NLRP5: variants seen among roughly 807,000 people sequenced by gnomAD.
NLRP5 encodes the protein NLR family pyrin domain containing 5, also known as NACHT, LRR and PYD domains-containing protein 5.
Under a neutral mutation model 113.1 loss-of-function variants are expected in NLRP5, and 93 were observed. The ratio of observed to expected loss-of-function variants is 0.82; its 90% confidence interval spans 0.70 to 0.98. The LOEUF is 0.98. NLRP5 is among the 50% of genes least tolerant of loss of function. The pLI is 0.00. For synonymous variants in NLRP5, 751 were observed against 600.7 expected (o/e 1.25, Z -3.66); for missense variants, 1,808 against 1,514.3 (o/e 1.19, Z -3.22).
At chr19:56,013,676 T>C (rs167385) in intron 3 of NLRP5, among the ~76,000 whole-genome samples, 80,447 of 145,164 alleles carry the variant, frequency 0.55, 22,567 homozygotes, top group South Asian at 0.61. Flanking sequence ...GATGTGTTTT[T>C]GATTCAGGGA....
intron 11 of NLRP5, among the ~76,000 whole-genome samples, chr19:56,048,978 A>T (rs28857614): frequency 0.042 from 980 of 23,532 alleles, 5 homozygotes; most frequent in African/African-American, 0.1. Flanking sequence ...TTTTTTTTTT[A>T]ATTTTTTTTT....
intron 3 of NLRP5, among the ~76,000 whole-genome samples, chr19:56,012,966 T>A (rs993512317): frequency 6.6e-6 from 1 of 152,120 alleles, no homozygotes; most frequent in Non-Finnish European, 1.5e-5. Context: ...AGTGTTTTAT[T>A]GTATTAACAA....
At chr19:56,028,573 C>T in intron 7 of NLRP5, 64 bp downstream of exon 7, 1 of 1,430,454 alleles carries the variant, frequency 7.0e-7, no homozygotes, top group Non-Finnish European at 9.5e-7. Context: ...ACTGCTGGGA[C>T]TTGACATGAC....
intron 14 of NLRP5, among the ~76,000 whole-genome samples, chr19:56,060,698 A>G (rs1984319421): frequency 6.6e-6 from 1 of 151,552 alleles, no homozygotes; most frequent in African/African-American, 2.4e-5. Context: ...AAAGCTCAGC[A>G]TAGTATCTGA....
intron 6 of NLRP5, among the ~76,000 whole-genome samples, chr19:56,022,603 A>G (rs184363392): frequency 1.6e-3 from 240 of 152,320 alleles, no homozygotes; most frequent in Non-Finnish European, 2.6e-3. Flanking sequence ...TATGTAAAAC[A>G]AGGAAAACAA....
intron 7 of NLRP5, among the ~76,000 whole-genome samples, 187 bp from the exon 8 acceptor site, chr19:56,032,423 TC>T (rs1409987258): frequency 1.3e-5 from 2 of 151,452 alleles, no homozygotes; most frequent in East Asian, 3.9e-4. Flanking sequence ...TATCGGTATA[TC>T]CGGGAGGCAG....
At chr19:56,033,855 C>A (rs780580319) in intron 9 of NLRP5, 146 bp downstream of exon 9, 2 of 685,516 alleles carry the variant, frequency 2.9e-6, no homozygotes, top group East Asian at 5.1e-5. Context: ...GAGTTGAGTG[C>A]CACTGAATTG....
At chr19:56,021,650 A>G (rs1445615829) in intron 6 of NLRP5, among the ~76,000 whole-genome samples, 1 of 152,270 alleles carries the variant, frequency 6.6e-6, no homozygotes, top group South Asian at 2.1e-4. Context: ...GTCTATCAGC[A>G]CTTCGTTTTT....
chr19:56,032,787 G>C lies in NLRP5; in HGVS notation c.2447+6G>C, dbSNP rs1276518860. 2 of 1,601,024 alleles carry C rather than the reference G, an allele frequency of 1.2e-6. No individual in the cohort carries two copies. Among genetic ancestry groups the C allele is most frequent in the East Asian group, 4.5e-5 (2 of 44,574 alleles). ...TGCAAGATACAGACCCTGATGTAAG[G>C]CTGCCCGCCCCCTACGAGAGAATCC... On this transcript the variant is annotated splice_donor_region_variant and intron_variant, in intron 8 of 14. Transcript: ENST00000390649.
At chr19:56,030,215 C>A (rs971226791) in intron 7 of NLRP5, among the ~76,000 whole-genome samples, 1 of 151,922 alleles carries the variant, frequency 6.6e-6, no homozygotes, top group Non-Finnish European at 1.5e-5. Flanking sequence ...GCTAAAAATA[C>A]AAAAATTAGT....
At chr19:56,022,791 C>T (rs1982666522) in intron 6 of NLRP5, among the ~76,000 whole-genome samples, 1 of 152,148 alleles carries the variant, frequency 6.6e-6, no homozygotes, top group Admixed American at 6.5e-5. Context: ...ATGGCGCGAT[C>T]TCAGCTCACT....
At chr19:55,989,238 C>G in the NLRP5 span, among the ~76,000 whole-genome samples, 1 of 151,910 alleles carries the variant, frequency 6.6e-6, no homozygotes, top group Non-Finnish European at 1.5e-5. Context: ...ATGGGAGGTA[C>G]TTTTTAGTAT....
chr19:56,006,744 T>A (rs935265239), intron 2 of NLRP5, among the ~76,000 whole-genome samples: 30 of 150,628 alleles, frequency 2.0e-4, no homozygotes, highest in African/African-American at 7.3e-4. Flanking sequence ...AAATAAAAAT[T>A]TTTTTTTGTT....
At chr19:55,998,666 G>GTGTGTC (rs1555762372), upstream of NLRP5, among the ~76,000 whole-genome samples, 4 of 62,778 alleles carry the variant, frequency 6.4e-5, no homozygotes, top group African/African-American at 2.0e-4. Context: ...ATATGTGTGT[G>GTGTGTC]TGTGTGTATA....
At chr19:56,043,909 CTT>C (rs1983624332) in intron 11 of NLRP5, among the ~76,000 whole-genome samples, 1 of 151,688 alleles carries the variant, frequency 6.6e-6, no homozygotes, top group Admixed American at 6.6e-5. Flanking sequence ...TGCAAAAGCT[CTT>C]TGGTTCAATT....
At chr19:56,057,983 G>A (rs1568505673) in intron 13 of NLRP5, among the ~76,000 whole-genome samples, 1 of 149,382 alleles carries the variant, frequency 6.7e-6, no homozygotes, top group Non-Finnish European at 1.5e-5. Context: ...AGCCAAGATT[G>A]TGCTACTGCA....
Position 56,040,439 on chromosome 19 carries a change from A to G in NLRP5, c.2787-483A>G, listed in dbSNP as rs138775671. On this transcript the variant is annotated intron_variant, in intron 10 of 14. Coordinates refer to ENST00000390649, the MANE Select transcript of NLRP5 (RefSeq NM_153447.4). ...AAAAATTAGTCAAACATGGTGGTGC[A>G]TGCCTATGATCCCAGCTACTCAGGA... is the stretch of plus-strand genomic sequence containing the variant. Among the ~76,000 whole-genome samples, 1,271 of 152,152 alleles carry G rather than the reference A, an allele frequency of 8.4e-3. 45 individuals are homozygous for G. The highest frequency in any genetic ancestry group is 0.061 in the Admixed American group (934 of 15,280).
chr19:56,028,541 G>T (rs577538562), intron 7 of NLRP5, 32 bp downstream of exon 7: 1 of 1,585,904 alleles, frequency 6.3e-7, no homozygotes, highest in Non-Finnish European at 8.6e-7. Context: ...ATCCTATGCC[G>T]TGTGCTGAGC....
intron 9 of NLRP5, 148 bp downstream of exon 9, chr19:56,033,857 A>G: frequency 1.5e-6 from 1 of 677,374 alleles, no homozygotes; most frequent in Non-Finnish European, 2.7e-6. Context: ...GTTGAGTGCC[A>G]CTGAATTGCA....
Sources: gnomAD v4.1 joint callset for allele counts (sites outside exome capture counted in the v4.1 genomes callset) on GRCh38, gnomAD v4.1.1 for gene constraint, MANE v1.5 for transcripts, NCBI Gene and HGNC (gene_info 2026-07-23, HGNC 2026-07-21) for gene names.